The following DPP10 variants were observed in gnomAD, a reference collection of about 807,000 sequenced individuals.
DPP10 encodes inactive dipeptidyl peptidase 10.
A neutral mutation model predicts 120.9 loss-of-function variants in DPP10; 33 were observed. That is an observed-to-expected ratio of 0.27 (90% confidence interval 0.21 to 0.37). The LOEUF is 0.37. DPP10 is among the 10% of genes least tolerant of loss of function. The probability of loss-of-function intolerance (pLI) is 1.00; values close to 1 mark genes in which losing one functional copy is unlikely to be tolerated. For missense variants in DPP10, 816 were observed against 942.8 expected, an observed-to-expected ratio of 0.87 and a Z score of 1.76; for synonymous variants, 337 against 326.1, an observed-to-expected ratio of 1.03 and a Z score of -0.36.
chr2:115,664,620 T>C (rs1052323564), intron 5 of DPP10, among the ~76,000 whole-genome samples: 7 of 152,192 alleles, frequency 4.6e-5, no homozygotes, highest in Admixed American at 1.3e-4. Flanking sequence ...AGCTTGTCAG[T>C]AGAATGTGAG....
At chr2:115,036,677 GT>G (rs1338671732) in intron 1 of DPP10, among the ~76,000 whole-genome samples, 2 of 151,762 alleles carry the variant, frequency 1.3e-5, no homozygotes, top group Non-Finnish European at 2.9e-5. Flanking sequence ...AGCACTATTG[GT>G]TTTTATTTGT....
At chr2:115,746,655 A>G (rs1279869043) in intron 10 of DPP10, among the ~76,000 whole-genome samples, 1 of 152,172 alleles carries the variant, frequency 6.6e-6, no homozygotes, top group Admixed American at 6.5e-5. Context: ...TATGTATGAA[A>G]TACTTATATT....
At chr2:114,635,172 A>G (rs1366591294) in intron 1 of DPP10, among the ~76,000 whole-genome samples, 1 of 151,186 alleles carries the variant, frequency 6.6e-6, no homozygotes, top group African/African-American at 2.4e-5. Context: ...TATGCTCCTC[A>G]TGTTTTAAAG....
chr2:115,112,197 T>C lies in DPP10; in HGVS notation c.61-197042T>C, dbSNP rs528702264. The stretch of plus-strand genomic sequence containing the variant: ...GTTAGATAAAATCCAGAATATTGTA[T>C]ATTTTTTCCATTAAAATAATCTTTT... On this transcript the variant is annotated intron_variant, in intron 1 of 25. Transcript: ENST00000410059. Among the ~76,000 whole-genome samples, 7 of 152,266 alleles carry C rather than the reference T, an allele frequency of 4.6e-5. No individual in the cohort carries two copies. In the East Asian group the frequency reaches 9.7e-4, roughly 21 times the overall value.
At chr2:115,086,678 G>A (rs187314562) in intron 1 of DPP10, among the ~76,000 whole-genome samples, 10 of 152,114 alleles carry the variant, frequency 6.6e-5, no homozygotes, top group African/African-American at 1.4e-4. Flanking sequence ...GGAAGGTCTC[G>A]ATCTCCTGAC....
At chr2:115,822,544 G>T (rs780928502) in intron 21 of DPP10, among the ~76,000 whole-genome samples, 22 of 152,026 alleles carry the variant, frequency 1.4e-4, no homozygotes, top group Admixed American at 2.6e-4. Context: ...ACCTGGCAAA[G>T]AAATAACTGA....
chr2:114,505,218 C>A (rs557986203), intron 1 of DPP10, among the ~76,000 whole-genome samples: 1 of 151,854 alleles, frequency 6.6e-6, no homozygotes, highest in Non-Finnish European at 1.5e-5. Context: ...GCTTATATAC[C>A]TTTTAGACAA....
At chr2:114,899,282 T>G (rs1326875308) in intron 1 of DPP10, among the ~76,000 whole-genome samples, 2 of 151,262 alleles carry the variant, frequency 1.3e-5, no homozygotes, top group South Asian at 2.1e-4. Flanking sequence ...AGCTTTGAGG[T>G]TTTTTTTAAC....
intron 1 of DPP10, among the ~76,000 whole-genome samples, chr2:114,859,988 T>G (rs1689684115): frequency 6.6e-6 from 1 of 152,204 alleles, no homozygotes; most frequent in African/African-American, 2.4e-5. Context: ...TAATACAGTT[T>G]TATGCGATAC....
At chr2:115,515,861 A>G (rs540908841) in intron 4 of DPP10, among the ~76,000 whole-genome samples, 2 of 152,192 alleles carry the variant, frequency 1.3e-5, no homozygotes, top group Non-Finnish European at 2.9e-5. Context: ...ATTTTCCTTC[A>G]GTTTTTAAAA....
At chr2:115,692,574 G>C (rs1420965367) in intron 7 of DPP10, among the ~76,000 whole-genome samples, 1 of 151,882 alleles carries the variant, frequency 6.6e-6, no homozygotes, top group Non-Finnish European at 1.5e-5. Context: ...TAATAACTCT[G>C]ATTGGCCAAC....
chr2:114,735,560 C>CT (rs1677345865), intron 1 of DPP10, among the ~76,000 whole-genome samples: 1 of 151,718 alleles, frequency 6.6e-6, no homozygotes, highest in Non-Finnish European at 1.5e-5. Context: ...CTTTCTTTTC[C>CT]TTTTTTCTAA....
At chr2:115,641,531 C>T (rs894841553) in intron 5 of DPP10, among the ~76,000 whole-genome samples, 5 of 152,198 alleles carry the variant, frequency 3.3e-5, no homozygotes, top group African/African-American at 1.2e-4. Context: ...CACTCTCTCC[C>T]TCTATCCTAG....
chr2:115,176,667 A>G (rs2053713728), intron 1 of DPP10, among the ~76,000 whole-genome samples: 1 of 152,204 alleles, frequency 6.6e-6, no homozygotes, highest in Non-Finnish European at 1.5e-5. Flanking sequence ...TAGTAGTTGT[A>G]GTAGTAATGC....
intron 1 of DPP10, among the ~76,000 whole-genome samples, chr2:114,519,025 A>G (rs1259391101): frequency 6.6e-6 from 1 of 152,210 alleles, no homozygotes; most frequent in Admixed American, 6.5e-5. Context: ...TTTGCCTGTG[A>G]AAGAGATCGA....
chr2:115,172,993 A>G (rs181111988), intron 1 of DPP10, among the ~76,000 whole-genome samples: 173 of 152,346 alleles, frequency 1.1e-3, no homozygotes, highest in Non-Finnish European at 2.1e-3. Flanking sequence ...AAGAAGCTGC[A>G]TGGCATCCAT....
chr2:115,653,855 A>G (rs2088035545), intron 5 of DPP10, among the ~76,000 whole-genome samples: 1 of 151,816 alleles, frequency 6.6e-6, no homozygotes, highest in Non-Finnish European at 1.5e-5. Context: ...TATTTTATTT[A>G]ATTCTTACAG....
chr2:115,666,766 A>G (rs2089490259), intron 5 of DPP10, among the ~76,000 whole-genome samples: 1 of 152,138 alleles, frequency 6.6e-6, no homozygotes, highest in Non-Finnish European at 1.5e-5. Flanking sequence ...TCTTTTGGGT[A>G]TATAATGAAT....
chr2:115,450,082 A>C (rs1274040146), intron 3 of DPP10, among the ~76,000 whole-genome samples: 1 of 151,958 alleles, frequency 6.6e-6, no homozygotes, highest in East Asian at 1.9e-4. Flanking sequence ...TGGTGAGTTT[A>C]TGTCCCAATT....
Sources: gnomAD v4.1 joint callset for allele counts (sites outside exome capture counted in the v4.1 genomes callset) on GRCh38, gnomAD v4.1.1 for gene constraint, MANE v1.5 for transcripts, NCBI Gene and HGNC (gene_info 2026-07-23, HGNC 2026-07-21) for gene names.